Variants in CAMKMT observed in about 807,000 individuals in gnomAD.
The protein encoded by CAMKMT is calmodulin-lysine N-methyltransferase.
CAMKMT carries 53 observed loss-of-function variants against 48.0 expected under a neutral mutation model. The ratio of observed to expected loss-of-function variants is 1.10; its 90% CI spans 0.89 to 1.39. CAMKMT has a LOEUF of 1.39. Ranked by LOEUF, CAMKMT falls within the 40% of genes most tolerant of loss-of-function variation. CAMKMT has a pLI of 0.00. For synonymous variants in CAMKMT, 165 were observed against 152.3 expected, an observed-to-expected ratio of 1.08 and a Z score of -0.61; for missense variants, 428 against 402.7, an observed-to-expected ratio of 1.06 and a Z score of -0.54.
chr2:44,388,598 A>G (rs1681009476), intron 2 of CAMKMT, among the ~76,000 whole-genome samples: 1 of 152,092 alleles, frequency 6.6e-6, no homozygotes, highest in African/African-American at 2.4e-5. Flanking sequence ...AGTCACATTA[A>G]CAGGGTTGTT....
intron 3 of CAMKMT, among the ~76,000 whole-genome samples, chr2:44,581,618 A>G (rs372111177): frequency 6.6e-6 from 1 of 152,246 alleles, no homozygotes; most frequent in African/African-American, 2.4e-5. Context: ...CCAAAGCCCA[A>G]GGTCTAACAT....
At chr2:44,737,745 T>C (rs1413278861) in intron 7 of CAMKMT, among the ~76,000 whole-genome samples, 1 of 152,016 alleles carries the variant, frequency 6.6e-6, no homozygotes, top group Non-Finnish European at 1.5e-5. Context: ...GAGTTCTCTC[T>C]CTCTCTCTTT....
chr2:44,423,108 T>G (rs1042967951), intron 3 of CAMKMT, among the ~76,000 whole-genome samples: 1 of 152,228 alleles, frequency 6.6e-6, no homozygotes, highest in African/African-American at 2.4e-5. Flanking sequence ...CATCCTGGTT[T>G]CAGTAGAATT....
At chr2:44,404,551 A>G (rs1037287845) in intron 3 of CAMKMT, among the ~76,000 whole-genome samples, 3 of 152,138 alleles carry the variant, frequency 2.0e-5, no homozygotes, top group Non-Finnish European at 2.9e-5. Context: ...TTCAAATAGC[A>G]TGCCCTATTC....
intron 3 of CAMKMT, among the ~76,000 whole-genome samples, chr2:44,632,112 T>G (rs1054975226): frequency 6.6e-6 from 1 of 152,126 alleles, no homozygotes; most frequent in Non-Finnish European, 1.5e-5. Flanking sequence ...AAGAAAAATG[T>G]TTGTATTTAC....
chr2:44,392,553 G>T (rs1468497377), intron 3 of CAMKMT, among the ~76,000 whole-genome samples: 1 of 151,830 alleles, frequency 6.6e-6, no homozygotes, highest in East Asian at 1.9e-4. Flanking sequence ...AGCAGAGGGC[G>T]CCACAATCAT....
intron 6 of CAMKMT, among the ~76,000 whole-genome samples, chr2:44,711,640 G>A (rs572103888): frequency 6.6e-6 from 1 of 152,102 alleles, no homozygotes. Context: ...TAAGCAGCAG[G>A]AAAAGAAAAT....
chr2:44,626,357 A>G (rs982389559), intron 3 of CAMKMT, among the ~76,000 whole-genome samples: 3 of 152,162 alleles, frequency 2.0e-5, no homozygotes, highest in East Asian at 1.9e-4. Context: ...TAGAAATACA[A>G]TTGATTTTTA....
intron 3 of CAMKMT, among the ~76,000 whole-genome samples, chr2:44,458,266 C>T (rs1194393542): frequency 3.3e-5 from 5 of 152,116 alleles, no homozygotes; most frequent in African/African-American, 9.6e-5. Flanking sequence ...AGGCTAGTCT[C>T]GAACTCCTGA....
chr2:44,686,237 C>A (rs1311692422), intron 3 of CAMKMT, among the ~76,000 whole-genome samples: 1 of 151,670 alleles, frequency 6.6e-6, no homozygotes, highest in Non-Finnish European at 1.5e-5. Context: ...ACTAAAAATA[C>A]AAAAAATTAG....
rs186373956 is a variant in CAMKMT, at chr2:44,451,002, C to T, written c.376+60697C>T. Among the ~76,000 whole-genome samples, 111 of 152,176 alleles carry T rather than the reference C, an allele frequency of 7.3e-4. 1 individual carries two copies. Among genetic ancestry groups the T allele is most frequent in the Middle Eastern group, 3.4e-3 (1 of 294 alleles). On this transcript the variant is annotated intron_variant, in intron 3 of 10. Transcript: ENST00000378494. The stretch of plus-strand genomic sequence containing the variant: ...AATCAAAGGATTTGAGGAAGCAGTA[C>T]TGGACATTCTTTGGAAGTGTTCATC...
chr2:44,717,913 T>C (rs922210518), intron 7 of CAMKMT, among the ~76,000 whole-genome samples: 3 of 151,710 alleles, frequency 2.0e-5, no homozygotes, highest in African/African-American at 7.3e-5. Flanking sequence ...ACTACTCCGA[T>C]GATGTTCTCA....
At chr2:44,558,649 G>GAGGCCACTGCTT (rs977253946) in intron 3 of CAMKMT, among the ~76,000 whole-genome samples, 6 of 152,118 alleles carry the variant, frequency 3.9e-5, no homozygotes, top group African/African-American at 1.4e-4. Context: ...GATGCAGTGG[G>GAGGCCACTGCTT]AGGCCATTAT....
chr2:44,443,840 A>G (rs1666821304), intron 3 of CAMKMT, among the ~76,000 whole-genome samples: 1 of 152,238 alleles, frequency 6.6e-6, no homozygotes, highest in Admixed American at 6.5e-5. Flanking sequence ...TATGTATGGC[A>G]AAAGCTTTAA....
intron 3 of CAMKMT, among the ~76,000 whole-genome samples, chr2:44,475,504 G>C (rs1054473914): frequency 6.6e-6 from 1 of 152,018 alleles, no homozygotes; most frequent in African/African-American, 2.4e-5. Flanking sequence ...TTTTAGTAGA[G>C]ATGGGGTTTC....
At chr2:44,540,920 A>G (rs1323603803) in intron 3 of CAMKMT, among the ~76,000 whole-genome samples, 1 of 152,142 alleles carries the variant, frequency 6.6e-6, no homozygotes, top group Non-Finnish European at 1.5e-5. Flanking sequence ...GTCTAATTAC[A>G]TTTTTTCCAA....
chr2:44,428,918 AC>A (rs1684456936), intron 3 of CAMKMT, among the ~76,000 whole-genome samples: 1 of 152,146 alleles, frequency 6.6e-6, no homozygotes, highest in South Asian at 2.1e-4. Context: ...TGTTGGAGTG[AC>A]CCAGCTAAAC....
At chr2:44,686,688 T>C (rs937477659) in intron 3 of CAMKMT, among the ~76,000 whole-genome samples, 1 of 152,228 alleles carries the variant, frequency 6.6e-6, no homozygotes, top group African/African-American at 2.4e-5. Flanking sequence ...GGGAGCATTT[T>C]CTTAATCTTT....
At chr2:44,553,600 A>G (rs936486449) in intron 3 of CAMKMT, among the ~76,000 whole-genome samples, 2 of 152,174 alleles carry the variant, frequency 1.3e-5, no homozygotes, top group African/African-American at 4.8e-5. Flanking sequence ...GCCTCAAGCC[A>G]TCTACCCAAC....
Sources: allele counts gnomAD v4.1 joint callset (sites outside exome capture counted in the v4.1 genomes callset), GRCh38; gene constraint gnomAD v4.1.1; transcripts MANE v1.5; gene names NCBI Gene and HGNC (gene_info 2026-07-23, HGNC 2026-07-21).